Variants in ARPP21 observed in about 807,000 individuals in gnomAD.
ARPP21 encodes cAMP-regulated phosphoprotein 21.
A neutral mutation model predicts 113.2 loss-of-function variants in ARPP21; 69 were observed. The observed-to-expected ratio is 0.61, with a 90% CI of 0.50 to 0.74. The LOEUF (loss-of-function observed/expected upper bound fraction) is 0.74, where lower values mean the gene tolerates loss of function less well. ARPP21 is among the 30% of genes least tolerant of loss of function. The pLI is 0.00. For missense variants in ARPP21, 1,070 were observed against 1,037.4 expected, an observed-to-expected ratio of 1.03 and a Z score of -0.43; for synonymous variants, 368 against 375.5, an observed-to-expected ratio of 0.98 and a Z score of 0.23.
Position 35,640,114 on chromosome 3 carries a change from A to T in ARPP21, c.-497A>T, listed in dbSNP as rs1397459460. ...GCAGCAGCAGGGGCAGCGGGGACAC[A>T]AGCCGCGACCGAGCCGCCGCCGCAG... On this transcript the variant is annotated 5_prime_UTR_variant, in exon 1 of 21. Transcript: ENST00000684406. 3 of 152,276 alleles carry T rather than the reference A, an allele frequency of 2.0e-5. No individual in the cohort carries two copies. The highest frequency in any genetic ancestry group is 2.9e-5 in the Non-Finnish European group (2 of 68,118). 9.4% of individuals were successfully genotyped at this position (152,276 alleles called of 1,614,324 possible).
chr3:35,778,066 G>C (rs79476328), intron 19 of ARPP21, among the ~76,000 whole-genome samples: 2,836 of 152,190 alleles, frequency 0.019, 50 homozygotes, highest in South Asian at 0.059. Context: ...TGTTAAAAAG[G>C]GTAATTTCTG....
In ARPP21 at chr3:35,667,935, A is replaced by G. The variant is rs1975578; in HGVS notation, c.-212-11852A>G. ...GAAGGAGGAGGAGGAGGAGGAGGAG[A>G]AGGAGAAGAAGAAAAGAAGAAGAAG... On this transcript the variant is annotated intron_variant, in intron 1 of 20. Transcript: ENST00000684406. Among the ~76,000 whole-genome samples, 118 of 117,514 alleles carry G rather than the reference A, an allele frequency of 1.0e-3. 3 individuals are homozygous for G. Among genetic ancestry groups the G allele is most frequent in the Middle Eastern group, 4.5e-3 (1 of 224 alleles). The allele number at this position is 117,514 out of a possible 152,430, so 77.1% of individuals were successfully genotyped here. A position where few individuals can be genotyped will look rare whatever the true frequency, so the allele number is the denominator to read the frequency against.
intron 1 of ARPP21, among the ~76,000 whole-genome samples, chr3:35,666,685 A>T (rs1439235433): frequency 6.6e-6 from 1 of 152,034 alleles, no homozygotes; most frequent in African/African-American, 2.4e-5. Context: ...TTTTTCCATT[A>T]TCTTTACTTT....
chr3:35,766,442 G>A (rs2151420116), intron 19 of ARPP21, among the ~76,000 whole-genome samples: 1 of 152,226 alleles, frequency 6.6e-6, no homozygotes, highest in Admixed American at 6.5e-5. Flanking sequence ...AAATAATCAG[G>A]TGCTAATTTG....
chr3:35,745,721 T>C (rs1017225483), intron 19 of ARPP21, among the ~76,000 whole-genome samples: 6 of 152,194 alleles, frequency 3.9e-5, no homozygotes, highest in Non-Finnish European at 8.8e-5. Context: ...ACTTTGTTAG[T>C]GGATGTCAAA....
At chr3:35,689,189 C>A in intron 6 of ARPP21, 118 bp from the exon 7 acceptor site, 1 of 676,390 alleles carries the variant, frequency 1.5e-6, no homozygotes, top group East Asian at 2.7e-5. Context: ...TATTTTTATA[C>A]CAACAGCTTC....
intron 6 of ARPP21, among the ~76,000 whole-genome samples, chr3:35,688,818 G>A (rs538905286): frequency 6.6e-6 from 1 of 151,350 alleles, no homozygotes; most frequent in Non-Finnish European, 1.5e-5. Flanking sequence ...AAAGTCTTGG[G>A]AATATTTAGT....
intron 11 of ARPP21, among the ~76,000 whole-genome samples, chr3:35,711,260 G>T (rs535960070): frequency 2.7e-4 from 41 of 152,244 alleles, no homozygotes; most frequent in African/African-American, 9.6e-4. Context: ...ACTCACAGAA[G>T]GGCTTGAAGG....
intron 1 of ARPP21, among the ~76,000 whole-genome samples, chr3:35,659,151 A>G (rs552310770): frequency 6.6e-6 from 1 of 152,268 alleles, no homozygotes; most frequent in African/African-American, 2.4e-5. Context: ...TGAAAACACG[A>G]TGTCATCTAT....
chr3:35,769,542 C>T (rs1465638336), intron 19 of ARPP21, among the ~76,000 whole-genome samples: 2 of 152,186 alleles, frequency 1.3e-5, no homozygotes, highest in Non-Finnish European at 2.9e-5. Context: ...TGTCAAAACA[C>T]TGCTTCATTT....
At chr3:35,663,999 C>A (rs1192187012) in intron 1 of ARPP21, among the ~76,000 whole-genome samples, 1 of 152,172 alleles carries the variant, frequency 6.6e-6, no homozygotes, top group South Asian at 2.1e-4. Flanking sequence ...ACTGTCCAGT[C>A]GTCCGTGTTC....
At chr3:35,727,351 TA>T (rs1174673439) in intron 14 of ARPP21, among the ~76,000 whole-genome samples, 1 of 152,272 alleles carries the variant, frequency 6.6e-6, no homozygotes, top group Non-Finnish European at 1.5e-5. Context: ...CTGAATTACC[TA>T]ACTTCCTTTT....
chr3:35,670,735 G>GA (rs1192102054), intron 1 of ARPP21, among the ~76,000 whole-genome samples: 1 of 152,084 alleles, frequency 6.6e-6, no homozygotes, highest in Admixed American at 6.6e-5. Flanking sequence ...TGAAAAAAAA[G>GA]AAAAACACGC....
chr3:35,777,023 G>A (rs1289268491), intron 19 of ARPP21, among the ~76,000 whole-genome samples: 1 of 152,098 alleles, frequency 6.6e-6, no homozygotes, highest in Non-Finnish European at 1.5e-5. Context: ...CCTGACCCAT[G>A]TTCTCTTCCA....
At chr3:35,776,540 C>A (rs2096373148) in intron 19 of ARPP21, among the ~76,000 whole-genome samples, 1 of 152,136 alleles carries the variant, frequency 6.6e-6, no homozygotes, top group Non-Finnish European at 1.5e-5. Context: ...ATCCAGAGTG[C>A]ACTCAGCACC....
chr3:35,682,149 C>G (rs2079097009), intron 3 of ARPP21, among the ~76,000 whole-genome samples: 1 of 151,838 alleles, frequency 6.6e-6, no homozygotes, highest in Admixed American at 6.6e-5. Context: ...CAGAACACCT[C>G]AAGGTGTACA....
intron 8 of ARPP21, 75 bp downstream of exon 8, chr3:35,690,215 G>A: frequency 2.6e-6 from 2 of 781,036 alleles, no homozygotes; most frequent in Admixed American, 3.6e-5. Context: ...GTCCATTCTG[G>A]AAAGACTTAG....
chr3:35,706,189 C>T (rs1406331678), intron 9 of ARPP21, among the ~76,000 whole-genome samples: 1 of 152,058 alleles, frequency 6.6e-6, no homozygotes, highest in African/African-American at 2.4e-5. Flanking sequence ...TGGATGAACC[C>T]AAGTCCAGAT....
At chr3:35,778,790 A>G (rs2096453595) in intron 19 of ARPP21, among the ~76,000 whole-genome samples, 1 of 152,188 alleles carries the variant, frequency 6.6e-6, no homozygotes, top group Non-Finnish European at 1.5e-5. Flanking sequence ...TCTTCTATAA[A>G]GTGAGAATAA....
Sources: allele counts gnomAD v4.1 joint callset (sites outside exome capture counted in the v4.1 genomes callset), GRCh38; gene constraint gnomAD v4.1.1; transcripts MANE v1.5; gene names NCBI Gene and HGNC (gene_info 2026-07-23, HGNC 2026-07-21).